The following BTD variants were observed in gnomAD, a reference collection of about 807,000 sequenced individuals.
BTD encodes biocytinase.
Under a neutral mutation model 17.7 loss-of-function variants are expected in BTD, and 13 were observed. The observed-to-expected ratio is 0.74, with a 90% CI of 0.48 to 1.17. The LOEUF is 1.17. Ranked by LOEUF, BTD falls within the 50% of genes most tolerant of loss-of-function variation. The pLI is 0.00. For missense variants in BTD, 674 were observed against 650.4 expected (o/e 1.04, Z -0.39); for synonymous variants, 240 against 245.2 (o/e 0.98, Z 0.20).
chr3:15,719,556 T>C (rs534795414), intron 4 of BTD, among the ~76,000 whole-genome samples: 1 of 152,254 alleles, frequency 6.6e-6, no homozygotes, highest in South Asian at 2.1e-4. Context: ...AGTGAAAGCA[T>C]ATTTATTTGG....
rs1353161534 is a variant in BTD at position 15,649,238 on chromosome 3, T to G, written c.*3750T>G. Among the ~76,000 whole-genome samples, 1 of 152,188 alleles carries G rather than the reference T, an allele frequency of 6.6e-6. No homozygotes were observed. Among genetic ancestry groups the G allele is most frequent in the Middle Eastern group, 3.2e-3 (1 of 316 alleles). Reference sequence around the variant, plus strand: ...GGGTCTTTCCATAGGGATAGCTGAGTGTCCTCATGATGTGGCCCCTGGCTT... The same window carrying G: ...GGGTCTTTCCATAGGGATAGCTGAGGGTCCTCATGATGTGGCCCCTGGCTT... On this transcript the variant is annotated 3_prime_UTR_variant, in exon 4 of 4. Transcript: ENST00000643237.
intron 3 of BTD, chr3:15,670,428 G>A (rs1031954748): frequency 5.0e-6 from 8 of 1,613,962 alleles, no homozygotes; most frequent in Middle Eastern, 1.7e-4. Context: ...TTGGTATAAC[G>A]GTTAATGGCA....
At chr3:15,666,377 G>A (rs991599187) in intron 3 of BTD, among the ~76,000 whole-genome samples, 2 of 144,436 alleles carry the variant, frequency 1.4e-5, no homozygotes, top group African/African-American at 5.2e-5. Flanking sequence ...TACCAGCCAG[G>A]TGACCTTGGG....
intron 1 of BTD, among the ~76,000 whole-genome samples, chr3:15,627,582 A>G (rs980741594): frequency 9.9e-5 from 15 of 152,188 alleles, no homozygotes; most frequent in Non-Finnish European, 1.9e-4. Flanking sequence ...TGGCCTCTGC[A>G]TGAGAGAAGG....
intron 3 of BTD, among the ~76,000 whole-genome samples, chr3:15,687,275 C>A (rs1057037827): frequency 6.6e-6 from 1 of 151,964 alleles, no homozygotes; most frequent in Non-Finnish European, 1.5e-5. Flanking sequence ...GACACTAAAC[C>A]CCTTAAGCTA....
At chr3:15,643,903 A>G (rs1022347460) in intron 3 of BTD, among the ~76,000 whole-genome samples, 1 of 150,054 alleles carries the variant, frequency 6.7e-6, no homozygotes, top group Non-Finnish European at 1.5e-5. Flanking sequence ...AAAAAAAAAA[A>G]AAAGAAAAGA....
intron 4 of BTD, among the ~76,000 whole-genome samples, chr3:15,718,969 T>C (rs1361328952): frequency 3.9e-5 from 6 of 152,204 alleles, no homozygotes; most frequent in Non-Finnish European, 8.8e-5. Flanking sequence ...TTATCCAAAG[T>C]GCAGGAATTC....
chr3:15,704,689 CCAATTTAAGAAAAATATTTTTTA>C (rs1376190802), intron 3 of BTD, among the ~76,000 whole-genome samples: 7 of 151,714 alleles, frequency 4.6e-5, no homozygotes, highest in Admixed American at 2.0e-4. Context: ...ACAATTGTAC[CCAATTTAAGAAAAATATTTTTTA>C]CAATTTAAGA....
At chr3:15,615,685 G>C (rs1480084751) in intron 1 of BTD, among the ~76,000 whole-genome samples, 1 of 152,194 alleles carries the variant, frequency 6.6e-6, no homozygotes, top group Non-Finnish European at 1.5e-5. Context: ...CCTGATACAT[G>C]CATAGCCTTC....
In BTD at chr3:15,650,141, C is replaced by G. The variant is rs2065777764; in HGVS notation, c.*4653C>G. 6.6e-6 allele frequency among the ~76,000 whole-genome samples: 1 copy of G among 152,204 alleles called. No individual in the cohort carries two copies. The highest frequency in any genetic ancestry group is 1.9e-4 in the East Asian group (1 of 5,194). ...ACTGTCTTGGCTTACAAAATCTGCTCTATGCTTGCTGACTGCTGAATGAAT... is the reference window on the plus strand; with the variant it reads ...ACTGTCTTGGCTTACAAAATCTGCTGTATGCTTGCTGACTGCTGAATGAAT... On this transcript the variant is annotated 3_prime_UTR_variant, in exon 4 of 4. Coordinates refer to ENST00000643237, the MANE Select transcript of BTD (RefSeq NM_001370658.1).
At chr3:15,712,352 A>T in exon 4 of BTD, 1 of 749,970 alleles carries the variant, frequency 1.3e-6, no homozygotes, top group Non-Finnish European at 2.2e-6. Flanking sequence ...TTCGGAGAGT[A>T]ATTTGGTTAA....
At chr3:15,718,510 T>G (rs1244023286) in intron 4 of BTD, among the ~76,000 whole-genome samples, 1 of 152,120 alleles carries the variant, frequency 6.6e-6, no homozygotes, top group Admixed American at 6.6e-5. Context: ...ATTCTACATT[T>G]CAAAAGAAAA....
intron 3 of BTD, among the ~76,000 whole-genome samples, chr3:15,659,207 T>C (rs1169829369): frequency 6.6e-6 from 1 of 152,168 alleles, no homozygotes; most frequent in African/African-American, 2.4e-5. Context: ...CTAGGAAGCA[T>C]AATGACCTAG....
chr3:15,693,925 C>A (rs1299781052), intron 3 of BTD, among the ~76,000 whole-genome samples: 4 of 152,066 alleles, frequency 2.6e-5, no homozygotes, highest in African/African-American at 9.7e-5. Flanking sequence ...AAGAAACAAT[C>A]AAATGAATAA....
At chr3:15,687,281 A>G (rs1169815459) in intron 3 of BTD, among the ~76,000 whole-genome samples, 1 of 152,026 alleles carries the variant, frequency 6.6e-6, no homozygotes, top group Admixed American at 6.6e-5. Flanking sequence ...AAACCCCTTA[A>G]GCTATTTTCA....
intron 3 of BTD, among the ~76,000 whole-genome samples, chr3:15,706,745 G>T (rs1452349069): frequency 6.6e-6 from 1 of 152,142 alleles, no homozygotes; most frequent in Non-Finnish European, 1.5e-5. Context: ...ATCCTCTCCA[G>T]CACCTGTTGT....
rs1455160424 is a variant in BTD, at chr3:15,676,722, TTAGG to T, written c.400-33332_400-33329del. The stretch of plus-strand genomic sequence containing the variant: ...AATAGTACTACTTTCCTTCAGAAAA[TTAGG>T]TAGGTGGATTAAGGAAAAAAATACA... On this transcript the variant is annotated intron_variant, in intron 3 of 3. Transcript: ENST00000672141. 6.2e-5 allele frequency: 20 copies of T among 324,422 alleles called. No individual in the cohort carries two copies. In the East Asian group the frequency reaches 1.1e-3, roughly 18 times the overall value. 20.1% of individuals were successfully genotyped at this position (324,422 alleles called of 1,614,324 possible). A position where few individuals can be genotyped will look rare whatever the true frequency, so the allele number is the denominator to read the frequency against.
chr3:15,630,803 T>C (rs959613540), intron 1 of BTD, among the ~76,000 whole-genome samples: 8 of 152,220 alleles, frequency 5.3e-5, no homozygotes, highest in African/African-American at 1.4e-4. Context: ...CACTCACAAG[T>C]GTTTACCCTT....
At chr3:15,677,190 T>C (rs2067028993) in intron 3 of BTD, 1 of 725,836 alleles carries the variant, frequency 1.4e-6, no homozygotes, top group Non-Finnish European at 2.3e-6. Flanking sequence ...CTGGCTAATA[T>C]CTTAATATTT....
Sources: gnomAD v4.1 joint callset for allele counts (sites outside exome capture counted in the v4.1 genomes callset) on GRCh38, gnomAD v4.1.1 for gene constraint, MANE v1.5 for transcripts, NCBI Gene and HGNC (gene_info 2026-07-23, HGNC 2026-07-21) for gene names.